Variants in ZDHHC21 observed in about 807,000 individuals in gnomAD.
ZDHHC21 encodes zDHHC palmitoyltransferase 21, also known as palmitoyltransferase ZDHHC21.
In ZDHHC21, 15 loss-of-function variants were observed where a neutral mutation model predicts 34.6. The observed-to-expected ratio is 0.43, with a 90% CI of 0.29 to 0.67. ZDHHC21 has a LOEUF of 0.67. Among genes scored for constraint, ZDHHC21 ranks in the 30% least tolerant of loss-of-function variants. ZDHHC21 has a pLI of 0.14. For missense variants in ZDHHC21, 344 were observed against 327.7 expected (o/e 1.05, Z -0.38); for synonymous variants, 142 against 101.8 (o/e 1.40, Z -2.38).
At chr9:14,661,497 A>G (rs1833389930) in intron 6 of ZDHHC21, among the ~76,000 whole-genome samples, 1 of 152,232 alleles carries the variant, frequency 6.6e-6, no homozygotes, top group Admixed American at 6.5e-5. Context: ...ATATTTATAC[A>G]GAGAGCCAAT....
intron 8 of ZDHHC21, among the ~76,000 whole-genome samples, chr9:14,625,436 T>A (rs1826035081): frequency 6.6e-6 from 1 of 152,050 alleles, no homozygotes; most frequent in Admixed American, 6.6e-5. Flanking sequence ...GAAAATCTCT[T>A]TCCAAAATAA....
intron 8 of ZDHHC21, 128 bp downstream of exon 8, chr9:14,639,768 C>T (rs905859120): frequency 7.8e-6 from 4 of 514,006 alleles, no homozygotes; most frequent in Non-Finnish European, 1.3e-5. Context: ...TACATAGGCA[C>T]ATGAAAGTAT....
Position 14,618,205 on chromosome 9 carries a change from G to A in ZDHHC21, c.*761C>T, listed in dbSNP as rs1824622085. The A allele has an allele frequency of 6.6e-6, 1 of 152,428 alleles. No individual in the cohort carries two copies. The highest frequency in any genetic ancestry group is 2.1e-4 in the South Asian group (1 of 4,828). 9.4% of individuals were successfully genotyped at this position (152,428 alleles called of 1,614,324 possible). A position where few individuals can be genotyped will look rare whatever the true frequency, so the allele number is the denominator to read the frequency against. ...AATAGGAATACATGCCCACTGGTCA[G>A]GAGTTCTCCTGGGAGCAAATATTTT... On this transcript the variant is annotated 3_prime_UTR_variant, in exon 10 of 10. Transcript: ENST00000380916.
chr9:14,635,233 A>C (rs1828062647), intron 8 of ZDHHC21, among the ~76,000 whole-genome samples: 1 of 152,180 alleles, frequency 6.6e-6, no homozygotes, highest in African/African-American at 2.4e-5. Flanking sequence ...CCAGAAGATA[A>C]AGAGAAAACA....
chr9:14,689,190 T>G (rs1056978676), intron 2 of ZDHHC21, among the ~76,000 whole-genome samples: 1 of 152,130 alleles, frequency 6.6e-6, no homozygotes, highest in East Asian at 1.9e-4. Context: ...TTCTACACGT[T>G]GGTTAGGGGG....
intron 5 of ZDHHC21, among the ~76,000 whole-genome samples, chr9:14,663,577 A>T (rs956490234): frequency 3.0e-5 from 4 of 134,192 alleles, no homozygotes; most frequent in African/African-American, 1.1e-4. Flanking sequence ...CTCTGTTTGA[A>T]TTCCATTACT....
At chr9:14,604,836 C>G in the ZDHHC21 span, among the ~76,000 whole-genome samples, 1 of 152,110 alleles carries the variant, frequency 6.6e-6, no homozygotes, top group Non-Finnish European at 1.5e-5. Context: ...TTTAAACTCG[C>G]GTGACAGAAA....
chr9:14,664,494 G>A (rs1289685366), intron 5 of ZDHHC21, among the ~76,000 whole-genome samples: 1 of 151,888 alleles, frequency 6.6e-6, no homozygotes. Flanking sequence ...GCTCGAACTG[G>A]CTGGAGCCCA....
chr9:14,601,529 C>A, the ZDHHC21 span, among the ~76,000 whole-genome samples: 5 of 152,310 alleles, frequency 3.3e-5, no homozygotes, highest in East Asian at 3.9e-4. Context: ...AAAACAGGAA[C>A]ACTTTTACAC....
chr9:14,660,153 G>A (rs1043920083), intron 6 of ZDHHC21, among the ~76,000 whole-genome samples: 1 of 152,012 alleles, frequency 6.6e-6, no homozygotes, highest in African/African-American at 2.4e-5. Context: ...ATCACCTGAG[G>A]TTGGGAGTTT....
chr9:14,653,408 A>AAT (rs1831608149), intron 7 of ZDHHC21, among the ~76,000 whole-genome samples: 1 of 152,010 alleles, frequency 6.6e-6, no homozygotes, highest in Admixed American at 6.6e-5. Context: ...ACCTTTATGA[A>AAT]AAACACAGTA....
chr9:14,671,176 T>C (rs2131502116), intron 5 of ZDHHC21, among the ~76,000 whole-genome samples: 2 of 152,208 alleles, frequency 1.3e-5, no homozygotes, highest in Admixed American at 6.5e-5. Context: ...TACATCATTT[T>C]GTTTAACCTG....
At chr9:14,684,731 A>G (rs1265285889) in intron 2 of ZDHHC21, among the ~76,000 whole-genome samples, 40 of 152,106 alleles carry the variant, frequency 2.6e-4, no homozygotes, top group Middle Eastern at 3.4e-3. Context: ...CCAAAAAAGA[A>G]CCCGCATTGC....
intron 8 of ZDHHC21, among the ~76,000 whole-genome samples, chr9:14,630,264 G>A (rs112095321): frequency 1.8e-4 from 28 of 152,200 alleles, no homozygotes; most frequent in Admixed American, 5.2e-4. Flanking sequence ...TTTCAATAAC[G>A]TCCACAGTAT....
intron 8 of ZDHHC21, among the ~76,000 whole-genome samples, chr9:14,623,137 TA>T (rs796592947): frequency 2.3e-3 from 247 of 106,596 alleles, no homozygotes; most frequent in African/African-American, 8.7e-3. Flanking sequence ...AGGTAAGACA[TA>T]AAAAAAAAAG....
intron 8 of ZDHHC21, among the ~76,000 whole-genome samples, chr9:14,626,141 T>C (rs536971225): frequency 1.3e-5 from 2 of 152,156 alleles, no homozygotes; most frequent in South Asian, 4.1e-4. Flanking sequence ...TTTGATAAGA[T>C]TTTTGGTTAT....
In ZDHHC21 at chr9:14,612,763, C is replaced by A. The variant is rs1385248921; in HGVS notation, c.*6203G>T. 2.0e-5 allele frequency: 3 copies of A among 150,962 alleles called. No individual in the cohort carries two copies. Among genetic ancestry groups the A allele is most frequent in the Non-Finnish European group, 4.4e-5 (3 of 67,648 alleles). 9.4% of individuals were successfully genotyped at this position (150,962 alleles called of 1,614,324 possible). ...ATCTACACACACATATGTACACATA[C>A]ATATATTTTAAAGGTGTTCTGTTAT... On this transcript the variant is annotated 3_prime_UTR_variant, in exon 10 of 10. Coordinates refer to ENST00000380916, the MANE Select transcript of ZDHHC21 (RefSeq NM_178566.6).
At chr9:14,671,754 T>C (rs962850416) in intron 5 of ZDHHC21, among the ~76,000 whole-genome samples, 1 of 152,106 alleles carries the variant, frequency 6.6e-6, no homozygotes, top group African/African-American at 2.4e-5. Context: ...ACTGTGGGCA[T>C]ACAAAAACCC....
intron 8 of ZDHHC21, among the ~76,000 whole-genome samples, chr9:14,634,461 C>T (rs547142459): frequency 6.6e-6 from 1 of 152,310 alleles, no homozygotes; most frequent in South Asian, 2.1e-4. Flanking sequence ...GACAGGCCCA[C>T]TTGCTGCTGC....
Sources: gnomAD v4.1 joint callset for allele counts (sites outside exome capture counted in the v4.1 genomes callset) on GRCh38, gnomAD v4.1.1 for gene constraint, MANE v1.5 for transcripts, NCBI Gene and HGNC (gene_info 2026-07-23, HGNC 2026-07-21) for gene names.